The following WDPCP variants were observed in gnomAD, a reference collection of about 807,000 sequenced individuals.
The protein encoded by WDPCP is WD repeat containing planar cell polarity effector, also known as WD repeat-containing and planar cell polarity effector protein fritz homolog.
In WDPCP, 71 loss-of-function variants were observed where a neutral mutation model predicts 93.1. The ratio of observed to expected loss-of-function variants is 0.76; its 90% confidence interval spans 0.63 to 0.93. WDPCP has a LOEUF of 0.93. Ranked by LOEUF, WDPCP falls within the 40% of genes least tolerant of loss-of-function variation. WDPCP has a pLI of 0.00. For missense variants in WDPCP, 844 were observed against 887.4 expected, an observed-to-expected ratio of 0.95 and a Z score of 0.62; for synonymous variants, 315 against 315.0, an observed-to-expected ratio of 1.00 and a Z score of 0.00.
chr2:63,632,348 C>A (rs1005514677), intron 3 of WDPCP, among the ~76,000 whole-genome samples: 6 of 152,154 alleles, frequency 3.9e-5, no homozygotes, highest in African/African-American at 1.4e-4. Context: ...CAGAGGAACA[C>A]AATAATTTTA....
At chr2:63,752,198 T>A in intron 2 of WDPCP, 1 of 153,616 alleles carries the variant, frequency 6.5e-6, no homozygotes, top group Non-Finnish European at 1.5e-5. Flanking sequence ...ACAAAGCTCC[T>A]TTTTTTTTTT....
chr2:63,514,975 C>T (rs1702459720), intron 1 of WDPCP, among the ~76,000 whole-genome samples: 1 of 152,108 alleles, frequency 6.6e-6, no homozygotes. Flanking sequence ...GGTTTTGGTG[C>T]CAATTCAGGC....
intron 1 of WDPCP, among the ~76,000 whole-genome samples, chr2:63,514,609 G>A (rs904714505): frequency 1.3e-5 from 2 of 152,112 alleles, no homozygotes; most frequent in Non-Finnish European, 2.9e-5. Context: ...CTGCTGGGCT[G>A]CCCACAGTTA....
chr2:63,426,233 A>G (rs1696280695), intron 9 of WDPCP, among the ~76,000 whole-genome samples: 1 of 152,098 alleles, frequency 6.6e-6, no homozygotes, highest in Non-Finnish European at 1.5e-5. Context: ...CCAGCTACTC[A>G]GGAGTCTGAG....
chr2:63,759,941 G>A (rs1670031220), intron 2 of WDPCP, among the ~76,000 whole-genome samples: 2 of 152,084 alleles, frequency 1.3e-5, no homozygotes, highest in Admixed American at 1.3e-4. Context: ...CCCTCCCCAA[G>A]CCTACACCCA....
At chr2:63,274,959 C>T (rs922657866) in intron 13 of WDPCP, among the ~76,000 whole-genome samples, 1 of 152,034 alleles carries the variant, frequency 6.6e-6, no homozygotes, top group Non-Finnish European at 1.5e-5. Flanking sequence ...GTCAACATTA[C>T]CTCAATACCA....
chr2:63,286,576 G>A (rs948571695), intron 13 of WDPCP, among the ~76,000 whole-genome samples: 2 of 152,000 alleles, frequency 1.3e-5, no homozygotes, highest in Admixed American at 6.6e-5. Context: ...CTCTCTTTTC[G>A]GACTCAGCCC....
At position 63,455,107 on chromosome 2, in the gene WDPCP, A is replaced by G. The variant is rs184743361; in HGVS notation, c.385-15236T>C. Among the ~76,000 whole-genome samples the G allele has an allele frequency of 2.6e-5, 4 of 152,260 alleles. No homozygotes were observed. The East Asian group carries it at 7.7e-4, about 29-fold the overall frequency. Reference sequence around the variant, plus strand: ...ATTCCCATCATCAAAACACATGAAAATATAAAAATCATTGGTAATACAAAT... The same window carrying G: ...ATTCCCATCATCAAAACACATGAAAGTATAAAAATCATTGGTAATACAAAT... On this transcript the variant is annotated intron_variant, in intron 6 of 17. Coordinates refer to ENST00000272321, the MANE Select transcript of WDPCP (RefSeq NM_015910.7).
intron 10 of WDPCP, among the ~76,000 whole-genome samples, chr2:63,394,334 G>A (rs1558568089): frequency 6.6e-6 from 1 of 151,652 alleles, no homozygotes; most frequent in African/African-American, 2.4e-5. Flanking sequence ...ACCACAATGA[G>A]ATGCCATCTC....
At chr2:63,264,471 T>C (rs1681934903) in intron 13 of WDPCP, among the ~76,000 whole-genome samples, 1 of 152,048 alleles carries the variant, frequency 6.6e-6, no homozygotes, top group African/African-American at 2.4e-5. Flanking sequence ...AACCCCACTA[T>C]GAAAAGAGAA....
intron 14 of WDPCP, among the ~76,000 whole-genome samples, chr2:63,241,230 C>A (rs1417982189): frequency 7.2e-5 from 11 of 152,058 alleles, no homozygotes; most frequent in African/African-American, 2.7e-4. Context: ...CTTTGATGTG[C>A]TCATAATTAT....
At chr2:63,409,750 T>A (rs1388054285) in intron 9 of WDPCP, among the ~76,000 whole-genome samples, 1 of 152,056 alleles carries the variant, frequency 6.6e-6, no homozygotes, top group African/African-American at 2.4e-5. Context: ...AAATGCAAAA[T>A]GCTGTGGAAA....
In WDPCP at chr2:63,201,325, AC is replaced by A. The variant is rs539339345; in HGVS notation, c.1916-26494del. Among the ~76,000 whole-genome samples the A allele has an allele frequency of 1.6e-4, 25 of 152,300 alleles. No individual in the cohort carries two copies. The East Asian group carries it at 4.6e-3, about 28-fold the overall frequency. ...ATTAAACCTATTTTCTTTATAAATT[AC>A]CCAGTCTCAGGAGGTAGTGCCTTTT... On this transcript the variant is annotated intron_variant, in intron 14 of 17. Transcript: ENST00000272321.
intron 11 of WDPCP, among the ~76,000 whole-genome samples, 199 bp from the exon 12 acceptor site, chr2:63,378,708 T>A (rs748124287): frequency 2.0e-5 from 3 of 152,040 alleles, no homozygotes; most frequent in Admixed American, 6.6e-5. Flanking sequence ...AAGCTGACAA[T>A]GACTCTGAGC....
chr2:63,652,146 G>T (rs1710117047), intron 2 of WDPCP, among the ~76,000 whole-genome samples: 1 of 152,230 alleles, frequency 6.6e-6, no homozygotes, highest in Non-Finnish European at 1.5e-5. Flanking sequence ...ACACTGGCAT[G>T]ATGCATTTGC....
chr2:63,429,615 G>GC (rs1696576487), intron 9 of WDPCP, among the ~76,000 whole-genome samples: 1 of 152,074 alleles, frequency 6.6e-6, no homozygotes, highest in South Asian at 2.1e-4. Context: ...TCAGAGAAAT[G>GC]CAAATCAAAA....
rs550271322 is a variant in WDPCP at position 63,309,563 on chromosome 2, T to G, written c.1812+3685A>C. Among the ~76,000 whole-genome samples, 3 of 152,268 alleles carry G rather than the reference T, an allele frequency of 2.0e-5. No individual in the cohort carries two copies. The East Asian group carries it at 5.8e-4, about 29-fold the overall frequency. ...GTTGGAGACTTCAATACCGTACTCT[T>G]AATAATTGCTAGAAAACCAGACAGA... On this transcript the variant is annotated intron_variant, in intron 13 of 17. Transcript: ENST00000272321.
chr2:63,366,455 C>T (rs1046901726), intron 12 of WDPCP, among the ~76,000 whole-genome samples: 1 of 152,082 alleles, frequency 6.6e-6, no homozygotes, highest in African/African-American at 2.4e-5. Context: ...ATTTAGTCTA[C>T]CTTTATCTAA....
rs368448164 is a variant in WDPCP, at chr2:63,467,736, AC to A, written c.384+16867del. ...GGTTGCAGTGAGCGAAGATTGTGCC[AC>A]TGCACTCCAGCCTGGGCGACAGAGC... On this transcript the variant is annotated intron_variant, in intron 6 of 17. Coordinates refer to ENST00000272321, the MANE Select transcript of WDPCP (RefSeq NM_015910.7). 7.2e-4 allele frequency among the ~76,000 whole-genome samples: 101 copies of A among 140,768 alleles called. 4 individuals are homozygous for A. In the East Asian group the frequency reaches 0.014, roughly 20 times the overall value. 92.3% of individuals were successfully genotyped at this position (140,768 alleles called of 152,430 possible). A position where few individuals can be genotyped will look rare whatever the true frequency, so the allele number is the denominator to read the frequency against.
Sources: allele counts gnomAD v4.1 joint callset (sites outside exome capture counted in the v4.1 genomes callset), GRCh38; gene constraint gnomAD v4.1.1; transcripts MANE v1.5; gene names NCBI Gene and HGNC (gene_info 2026-07-23, HGNC 2026-07-21).